PTPRT: variants seen among roughly 807,000 people sequenced by gnomAD.
PTPRT encodes protein tyrosine phosphatase receptor type T.
A neutral mutation model predicts 176.8 loss-of-function variants in PTPRT; 56 were observed. The observed-to-expected ratio is 0.32, with a 90% CI of 0.26 to 0.40. The LOEUF (loss-of-function observed/expected upper bound fraction) is 0.40, where lower values mean the gene tolerates loss of function less well. Among genes scored for constraint, PTPRT ranks in the 10% least tolerant of loss-of-function variants. The pLI, the probability that PTPRT is intolerant of heterozygous loss-of-function variation, is 1.00. For missense variants in PTPRT, 1,540 were observed against 1,908.2 expected (o/e 0.81, Z 3.60); for synonymous variants, 783 against 739.0 (o/e 1.06, Z -0.96).
At chr20:42,946,641 C>A (rs1256863085) in intron 1 of PTPRT, among the ~76,000 whole-genome samples, 2 of 152,150 alleles carry the variant, frequency 1.3e-5, no homozygotes, top group Non-Finnish European at 2.9e-5. Context: ...TCAGTCTCAG[C>A]ACAAAACACC....
At chr20:42,243,727 A>C (rs573587700) in intron 14 of PTPRT, among the ~76,000 whole-genome samples, 1 of 152,324 alleles carries the variant, frequency 6.6e-6, no homozygotes, top group South Asian at 2.1e-4. Flanking sequence ...AGAAGGTAGC[A>C]GCATGAGCTC....
chr20:42,446,613 T>TGA (rs1342187736), intron 9 of PTPRT, among the ~76,000 whole-genome samples: 4 of 148,852 alleles, frequency 2.7e-5, no homozygotes, highest in African/African-American at 1.0e-4. Flanking sequence ...TGTGTGTGTG[T>TGA]GTGTGTGTGA....
intron 6 of PTPRT, among the ~76,000 whole-genome samples, chr20:42,735,521 A>T (rs1320216263): frequency 1.3e-5 from 2 of 152,194 alleles, no homozygotes; most frequent in Non-Finnish European, 2.9e-5. Flanking sequence ...TAAAAAAAAA[A>T]ACTCAGTGTT....
intron 1 of PTPRT, among the ~76,000 whole-genome samples, chr20:43,165,699 T>C (rs1245598001): frequency 6.6e-6 from 1 of 152,186 alleles, no homozygotes; most frequent in Non-Finnish European, 1.5e-5. Context: ...AGTTTCGGCT[T>C]GGGGCTTTAT....
intron 9 of PTPRT, among the ~76,000 whole-genome samples, chr20:42,363,290 ATATATATATATTTTTTT>A (rs1402122416): frequency 3.6e-3 from 91 of 25,632 alleles, no homozygotes; most frequent in African/African-American, 0.014. Flanking sequence ...ATATATATAT[ATATATATATATTTTTTT>A]TTTTTTTTTT....
chr20:42,500,052 A>T (rs2145413019), intron 7 of PTPRT, among the ~76,000 whole-genome samples: 1 of 152,232 alleles, frequency 6.6e-6, no homozygotes, highest in African/African-American at 2.4e-5. Context: ...ATCCACTAAC[A>T]TGGTATGTCT....
intron 12 of PTPRT, among the ~76,000 whole-genome samples, chr20:42,285,348 A>ACAAC (rs1253386819): frequency 2.6e-5 from 4 of 152,032 alleles, no homozygotes; most frequent in African/African-American, 9.7e-5. Flanking sequence ...AACAACAAAA[A>ACAAC]AAGATTTTGA....
At chr20:42,967,117 T>G (rs1982343088) in intron 1 of PTPRT, among the ~76,000 whole-genome samples, 1 of 152,132 alleles carries the variant, frequency 6.6e-6, no homozygotes, top group Non-Finnish European at 1.5e-5. Flanking sequence ...AGCCCAGCCC[T>G]TCCTCTTGTA....
chr20:42,564,064 A>T (rs1173451925), intron 7 of PTPRT, among the ~76,000 whole-genome samples: 2 of 152,192 alleles, frequency 1.3e-5, no homozygotes, highest in Admixed American at 6.5e-5. Flanking sequence ...GGGTGTTTAC[A>T]GGGCCAGGGC....
At chr20:42,310,831 T>C (rs770766936) in intron 12 of PTPRT, among the ~76,000 whole-genome samples, 37 of 152,186 alleles carry the variant, frequency 2.4e-4, no homozygotes, top group South Asian at 6.2e-4. Flanking sequence ...AAGGCATCAA[T>C]GGATAAATGT....
chr20:42,612,688 T>C (rs2073995328), intron 7 of PTPRT, among the ~76,000 whole-genome samples: 1 of 152,014 alleles, frequency 6.6e-6, no homozygotes, highest in South Asian at 2.1e-4. Flanking sequence ...ATGCAACAGA[T>C]TATCATGCAA....
intron 9 of PTPRT, among the ~76,000 whole-genome samples, chr20:42,439,869 T>G (rs1008179811): frequency 6.6e-5 from 10 of 152,182 alleles, no homozygotes; most frequent in Non-Finnish European, 1.2e-4. Flanking sequence ...TATTTATTTA[T>G]CTATACATTG....
chr20:42,581,207 T>C (rs1031673165), intron 7 of PTPRT, among the ~76,000 whole-genome samples: 1 of 152,152 alleles, frequency 6.6e-6, no homozygotes, highest in African/African-American at 2.4e-5. Context: ...ATCTCTCTCA[T>C]CTCTTTCAAG....
intron 9 of PTPRT, among the ~76,000 whole-genome samples, chr20:42,390,752 G>C (rs2058792994): frequency 6.6e-6 from 1 of 151,962 alleles, no homozygotes; most frequent in Non-Finnish European, 1.5e-5. Flanking sequence ...AGAGACCCTG[G>C]GCCAGAACCA....
At chr20:42,397,247 G>GT (rs560723016) in intron 9 of PTPRT, among the ~76,000 whole-genome samples, 1 of 152,124 alleles carries the variant, frequency 6.6e-6, no homozygotes, top group Admixed American at 6.5e-5. Flanking sequence ...ACAATTTTTT[G>GT]TTTTTGTGAA....
At chr20:43,005,401 T>C (rs527559513) in intron 1 of PTPRT, among the ~76,000 whole-genome samples, 1 of 152,206 alleles carries the variant, frequency 6.6e-6, no homozygotes, top group South Asian at 2.1e-4. Flanking sequence ...GCACGTATTC[T>C]CAAACTGGGT....
At chr20:42,530,030 G>A (rs949767182) in intron 7 of PTPRT, among the ~76,000 whole-genome samples, 1 of 152,110 alleles carries the variant, frequency 6.6e-6, no homozygotes, top group Non-Finnish European at 1.5e-5. Flanking sequence ...AGCACAGCAA[G>A]GCTTTTTGTT....
At chr20:42,089,941 G>A (rs996568739) in intron 27 of PTPRT, among the ~76,000 whole-genome samples, 1 of 152,168 alleles carries the variant, frequency 6.6e-6, no homozygotes, top group African/African-American at 2.4e-5. Context: ...TTCAAGTGCT[G>A]TAGCTGCACC....
intron 6 of PTPRT, among the ~76,000 whole-genome samples, chr20:42,745,376 G>C (rs1436428344): frequency 6.6e-6 from 1 of 152,200 alleles, no homozygotes; most frequent in Non-Finnish European, 1.5e-5. Context: ...AGTACGACTG[G>C]CCTTTGGAGC....
Sources: allele counts gnomAD v4.1 joint callset (sites outside exome capture counted in the v4.1 genomes callset), GRCh38; gene constraint gnomAD v4.1.1; transcripts MANE v1.5; gene names NCBI Gene and HGNC (gene_info 2026-07-23, HGNC 2026-07-21).